Variants in TAOK3 observed in about 807,000 individuals in gnomAD.
TAOK3 encodes TAO kinase 3.
TAOK3 carries 40 observed loss-of-function variants against 120.4 expected under a neutral mutation model. The observed-to-expected ratio is 0.33, with a 90% CI of 0.26 to 0.43. The LOEUF is 0.43. Ranked by LOEUF, TAOK3 falls within the 20% of genes least tolerant of loss-of-function variation. The probability of loss-of-function intolerance (pLI) is 1.00; values close to 1 mark genes in which losing one functional copy is unlikely to be tolerated. For synonymous variants in TAOK3, 355 were observed against 387.5 expected (o/e 0.92, Z 0.99); for missense variants, 821 against 1,112.1 (o/e 0.74, Z 3.72).
intron 1 of TAOK3, among the ~76,000 whole-genome samples, chr12:118,274,686 T>G (rs1410030384): frequency 2.0e-5 from 3 of 152,166 alleles, no homozygotes; most frequent in African/African-American, 7.2e-5. Context: ...TGGAGTACAG[T>G]GACACCATCT....
intron 16 of TAOK3, among the ~76,000 whole-genome samples, chr12:118,175,508 T>G (rs1252485090): frequency 6.6e-6 from 1 of 152,104 alleles, no homozygotes; most frequent in East Asian, 1.9e-4. Context: ...ACGCCTGTAA[T>G]CTCGGCTACT....
intron 9 of TAOK3, among the ~76,000 whole-genome samples, chr12:118,228,651 T>C (rs1219973372): frequency 6.6e-6 from 1 of 152,194 alleles, no homozygotes; most frequent in Admixed American, 6.5e-5. Context: ...TACATTCTCC[T>C]TTGGATAAGA....
At position 118,247,000 on chromosome 12, in the gene TAOK3, G is replaced by A. The variant is rs531683752; in HGVS notation, c.121-2035C>T. On this transcript the variant is annotated intron_variant, in intron 3 of 20. Coordinates refer to ENST00000392533, the MANE Select transcript of TAOK3 (RefSeq NM_016281.4). ...ACAAGAAAAATAAAGTGAATTAAGCGTGAAAAAAAAATTATAAAAGAATTT... is the reference window on the plus strand; with the variant it reads ...ACAAGAAAAATAAAGTGAATTAAGCATGAAAAAAAAATTATAAAAGAATTT... 1.8e-4 allele frequency: 170 copies of A among 923,028 alleles called. 2 individuals carry two copies. The highest frequency in any genetic ancestry group is 1.4e-3 in the South Asian group (76 of 55,160). 57.2% of individuals were successfully genotyped at this position (923,028 alleles called of 1,614,324 possible).
At chr12:118,240,110 G>A (rs183393552) in intron 5 of TAOK3, among the ~76,000 whole-genome samples, 3 of 151,998 alleles carry the variant, frequency 2.0e-5, no homozygotes, top group African/African-American at 7.2e-5. Flanking sequence ...GGAGGCTATC[G>A]ATAGTTATTG....
At chr12:118,255,041 C>T (rs1018658482) in intron 3 of TAOK3, among the ~76,000 whole-genome samples, 1 of 152,162 alleles carries the variant, frequency 6.6e-6, no homozygotes, top group South Asian at 2.1e-4. Context: ...GGATTACAGG[C>T]GTGAGCCACT....
intron 14 of TAOK3, among the ~76,000 whole-genome samples, chr12:118,182,717 G>A (rs1333584517): frequency 6.7e-6 from 1 of 149,298 alleles, no homozygotes; most frequent in South Asian, 2.1e-4. Flanking sequence ...ATATGAAGAG[G>A]TGAGTATGAG....
intron 8 of TAOK3, 54 bp from the exon 9 acceptor site, chr12:118,233,819 C>A: frequency 8.2e-7 from 1 of 1,225,474 alleles, no homozygotes; most frequent in East Asian, 2.4e-5. Flanking sequence ...AAAATTTCTC[C>A]AGGAAAGTGA....
chr12:118,298,359 C>T (rs1184350517), intron 1 of TAOK3, among the ~76,000 whole-genome samples: 1 of 152,132 alleles, frequency 6.6e-6, no homozygotes, highest in Non-Finnish European at 1.5e-5. Context: ...CCAGGTAATG[C>T]CATTGCTGCT....
intron 1 of TAOK3, among the ~76,000 whole-genome samples, chr12:118,273,571 T>C (rs1398238285): frequency 6.6e-6 from 1 of 151,842 alleles, no homozygotes; most frequent in African/African-American, 2.4e-5. Flanking sequence ...TCTCAGCACT[T>C]TGGGAGGCTG....
intron 8 of TAOK3, among the ~76,000 whole-genome samples, chr12:118,235,291 ACC>A (rs2039975766): frequency 6.6e-6 from 1 of 152,120 alleles, no homozygotes; most frequent in African/African-American, 2.4e-5. Flanking sequence ...GAAATCGAAA[ACC>A]TGAACTTGGT....
chr12:118,201,358 T>C lies in TAOK3; in HGVS notation c.925A>G (p.Lys309Glu). Residue 309 changes from lysine to glutamate, a missense_variant, in exon 12 of 21, where the codon AAA becomes GAA. Physicochemically the swap from Lys to Glu is moderately conservative, Grantham distance 56. Transcript: ENST00000392533. ...CGTGTCTCTTGGAAAAGTATTTTTT[T>C]CATTTTTCGGTACTGTAGGTTATCT... ...ELDNLQYRKM[K>E]KILFQETRNG... 6.2e-7 allele frequency: 1 copy of C among 1,614,166 alleles called. No individual in the cohort carries two copies. Among genetic ancestry groups the C allele is most frequent in the Non-Finnish European group, 8.5e-7 (1 of 1,179,996 alleles).
chr12:118,163,773 G>A (rs1191255665), intron 17 of TAOK3, among the ~76,000 whole-genome samples: 3 of 152,038 alleles, frequency 2.0e-5, no homozygotes, highest in Non-Finnish European at 2.9e-5. Context: ...GTGCAATGGT[G>A]TGACTTCGGC....
chr12:118,193,049 GTTT>G (rs11380296), intron 13 of TAOK3, among the ~76,000 whole-genome samples: 4 of 107,380 alleles, frequency 3.7e-5, no homozygotes, highest in South Asian at 6.5e-4. Context: ...CCACGTTGTT[GTTT>G]TTTTTTTTTT....
chr12:118,370,575 G>A (rs1325885830), intron 1 of TAOK3, among the ~76,000 whole-genome samples: 1 of 152,132 alleles, frequency 6.6e-6, no homozygotes, highest in Admixed American at 6.5e-5. Context: ...AAAGAAACCA[G>A]TCCAAGAGGT....
At chr12:118,258,660 C>T (rs989396625) in intron 2 of TAOK3, among the ~76,000 whole-genome samples, 2 of 150,748 alleles carry the variant, frequency 1.3e-5, no homozygotes, top group Non-Finnish European at 1.5e-5. Flanking sequence ...TGCAGTGAGC[C>T]GAGATCGTGC....
chr12:118,194,383 G>C (rs2037595831), intron 13 of TAOK3, among the ~76,000 whole-genome samples: 1 of 152,310 alleles, frequency 6.6e-6, no homozygotes, highest in East Asian at 1.9e-4. Context: ...GATAGTTGGA[G>C]AGAAAAGATG....
intron 1 of TAOK3, chr12:118,296,942 C>T (rs1480890246): frequency 1.3e-5 from 2 of 152,152 alleles, no homozygotes; most frequent in Non-Finnish European, 2.9e-5. Flanking sequence ...AAACAACTAC[C>T]TGATTTGACT....
intron 19 of TAOK3, among the ~76,000 whole-genome samples, chr12:118,159,412 G>A (rs981378925): frequency 2.6e-5 from 4 of 151,742 alleles, no homozygotes; most frequent in East Asian, 1.9e-4. Flanking sequence ...CCGGGTTCAA[G>A]TGATTCTCCT....
In TAOK3 at chr12:118,243,467, T is replaced by G. The variant is rs199522282; in HGVS notation, c.242A>C (p.His81Pro). 1 of 1,543,008 alleles carries G rather than the reference T, an allele frequency of 6.5e-7. No homozygotes were observed. The highest frequency in any genetic ancestry group is 1.3e-5 in the South Asian group (1 of 79,480). Residue 81 changes from histidine (H) to proline (P), a missense_variant, in exon 5 of 21, where the codon CAT becomes CCT. This residue lies in a region of TAOK3 where 467 missense variants were observed against 540.0 expected (regional missense o/e 0.86). Transcript: ENST00000392533. The part of the protein sequence containing the change: ...KEVKFLRQLK[H>P]PNTIEYKGCY... ...GCCTTTGTACTCAATAGTATTAGGA[T>G]GCTTCAATTGTCGTAAAAATTTAAC... is the stretch of plus-strand genomic sequence containing the variant.
Sources: gnomAD v4.1 joint callset for allele counts (sites outside exome capture counted in the v4.1 genomes callset) on GRCh38, gnomAD v4.1.1 for gene constraint, gnomAD v4.1.1 regional missense constraint, MANE v1.5 for transcripts, NCBI Gene and HGNC (gene_info 2026-07-23, HGNC 2026-07-21) for gene names.